The following MIGA2 variants were observed in gnomAD, a reference collection of about 807,000 sequenced individuals.
MIGA2 encodes the protein mitoguardin 2, also known as family with sequence similarity 73, member B.
Under a neutral mutation model 69.9 loss-of-function variants are expected in MIGA2, and 36 were observed. The observed-to-expected ratio is 0.52, with a 90% confidence interval of 0.39 to 0.68. The LOEUF (loss-of-function observed/expected upper bound fraction) is 0.68, where lower values mean the gene tolerates loss of function less well. Among genes scored for constraint, MIGA2 ranks in the 30% least tolerant of loss-of-function variants. MIGA2 has a pLI of 0.00. For missense variants in MIGA2, 660 were observed against 787.7 expected (o/e 0.84, Z 1.94); for synonymous variants, 333 against 349.2 (o/e 0.95, Z 0.52).
At position 129,063,251 on chromosome 9, in the gene MIGA2, C is replaced by T; in HGVS notation, c.1018C>T (p.Leu340=). The T allele has an allele frequency of 6.2e-7, 1 of 1,614,034 alleles. No homozygotes were observed. Among genetic ancestry groups the T allele is most frequent in the Non-Finnish European group, 8.5e-7 (1 of 1,179,982 alleles). ...CGTCTGTCCTCCCCTCAGGACGGAGCTGCTGGGCTGCTACAGTGACCAGGA... is the reference window on the plus strand; with the variant it reads ...CGTCTGTCCTCCCCTCAGGACGGAGTTGCTGGGCTGCTACAGTGACCAGGA... ...RVPCRTLRTE[L]LGCYSDQDFL... is the part of the protein sequence containing the mutation. Residue 340 remains leucine, a synonymous_variant, in exon 10 of 16, where the codon CTG becomes TTG. Transcript: ENST00000684074.
chr9:129,052,239 C>T (rs1845586504), intron 6 of MIGA2, among the ~76,000 whole-genome samples: 3 of 152,104 alleles, frequency 2.0e-5, no homozygotes, highest in Admixed American at 2.0e-4. Context: ...GATTCTGTCT[C>T]AGCCTCCTGA....
In MIGA2 at chr9:129,069,012, G is replaced by A; in HGVS notation, c.1405-64G>A. On this transcript the variant is annotated intron_variant, in intron 13 of 15. Transcript: ENST00000684074. This position sits in a 1 kb window ranked among gnomAD's most constrained non-coding sequence, Gnocchi z 4.9. The stretch of plus-strand genomic sequence containing the variant: ...TTAAGGGCTTGGTGCTGGGCTGGCA[G>A]AGGGCGAGGGGCTGTGGGCTAGGCC... 1.3e-6 allele frequency: 2 copies of A among 1,598,034 alleles called. No individual in the cohort carries two copies. Among genetic ancestry groups the A allele is most frequent in the South Asian group, 2.2e-5 (2 of 90,768 alleles).
chr9:129,062,107 A>G (rs1341093873), intron 9 of MIGA2, among the ~76,000 whole-genome samples: 2 of 149,334 alleles, frequency 1.3e-5, no homozygotes, highest in Non-Finnish European at 3.0e-5. Context: ...CTGGTCTCAA[A>G]CTCCTCACCT....
At chr9:129,051,843 A>G (rs906574931) in intron 6 of MIGA2, among the ~76,000 whole-genome samples, 1 of 149,888 alleles carries the variant, frequency 6.7e-6, no homozygotes, top group South Asian at 2.1e-4. Flanking sequence ...TTAATTAATT[A>G]GAGACGGAGT....
In MIGA2 at chr9:129,059,919, C is replaced by T. The variant is rs1845975789; in HGVS notation, c.794-631C>T. 6.6e-6 allele frequency among the ~76,000 whole-genome samples: 1 copy of T among 152,178 alleles called. No individual in the cohort carries two copies. The highest frequency in any genetic ancestry group is 1.5e-5 in the Non-Finnish European group (1 of 68,026). On this transcript the variant is annotated intron_variant, in intron 7 of 15. Coordinates refer to ENST00000684074, the MANE Select transcript of MIGA2 (RefSeq NM_001329990.2). This position sits in a 1 kb window ranked among gnomAD's most constrained non-coding sequence, Gnocchi z 5.6. ...CCACGCACCCTGCCCTGGCTTCTCC[C>T]CACGTGCTCTGGGTGTGGTTTCTCT...
At chr9:129,056,707 C>T (rs1257057549) in intron 6 of MIGA2, among the ~76,000 whole-genome samples, 1 of 151,922 alleles carries the variant, frequency 6.6e-6, no homozygotes, top group Non-Finnish European at 1.5e-5. Flanking sequence ...TTAGTAGAGA[C>T]GGGTTTTCAC....
chr9:129,049,843 G>A lies in MIGA2; in HGVS notation c.555G>A (p.Glu185=), dbSNP rs143593912. ...TGTGCTCAGGCATGGAGCTGTTTGAGGAAGCTCTGCAGAAGTGGGAGCAGG... is the reference window on the plus strand; with the variant it reads ...TGTGCTCAGGCATGGAGCTGTTTGAAGAAGCTCTGCAGAAGTGGGAGCAGG... ...SLYMQGMELF[E]EALQKWEQAL... The change falls in exon 6 of 16, where the codon GAG becomes GAA. Residue 185 remains glutamate (E), a synonymous_variant. Coordinates refer to ENST00000684074, the MANE Select transcript of MIGA2 (RefSeq NM_001329990.2). The A allele has an allele frequency of 9.9e-3, 15,907 of 1,614,126 alleles. 101 individuals are homozygous for A. The highest frequency in any genetic ancestry group is 0.012 in the Non-Finnish European group (13,644 of 1,180,034).
At position 129,042,468 on chromosome 9, in the gene MIGA2, G is replaced by A. The variant is rs1475928922; in HGVS notation, c.261G>A (p.Val87=). Residue 87 remains valine, a synonymous_variant, in exon 3 of 16, where the codon GTG becomes GTA. Coordinates refer to ENST00000684074, the MANE Select transcript of MIGA2 (RefSeq NM_001329990.2). ...TGGGAGGGGAGCAGCTGGGCACGGTGCCCCTCCCTATCCTCTTGGCCAGGA... is the reference window on the plus strand; with the variant it reads ...TGGGAGGGGAGCAGCTGGGCACGGTACCCCTCCCTATCCTCTTGGCCAGGA... The part of the protein sequence containing the change: ...PEMGGEQLGT[V]PLPILLARKV... The A allele has an allele frequency of 6.2e-7, 1 of 1,603,350 alleles. No individual in the cohort carries two copies. The highest frequency in any genetic ancestry group is 8.5e-7 in the Non-Finnish European group (1 of 1,175,664).
Position 129,060,681 on chromosome 9 carries a change from G to A in MIGA2, c.894+31G>A, listed in dbSNP as rs879067322. Reference sequence around the variant, plus strand: ...TCGGGGTGGGGACCAAGCCTGGGGTGGGGTGAAGGCTGGGCCTCCTCTGCA... The same window carrying A: ...TCGGGGTGGGGACCAAGCCTGGGGTAGGGTGAAGGCTGGGCCTCCTCTGCA... On this transcript the variant is annotated intron_variant, in intron 8 of 15. Coordinates refer to ENST00000684074, the MANE Select transcript of MIGA2 (RefSeq NM_001329990.2). The surrounding 1 kb of genome is among the most constrained non-coding windows in gnomAD (Gnocchi z 4.8). 3.1e-5 allele frequency: 48 copies of A among 1,540,208 alleles called. No homozygotes were observed. In the South Asian group the frequency reaches 3.7e-4, roughly 12 times the overall value.
rs554077329 is a variant in MIGA2, at chr9:129,041,748, G to A, written c.97-556G>A. Among the ~76,000 whole-genome samples the A allele has an allele frequency of 7.2e-5, 11 of 152,294 alleles. No homozygotes were observed. In the South Asian group the frequency reaches 8.3e-4, roughly 11 times the overall value. ...CTTGACCGAAGATCTGCCTTGTGGG[G>A]TACAGTCCCATCTGAGGGGCTCCCA... On this transcript the variant is annotated intron_variant, in intron 2 of 15. Coordinates refer to ENST00000684074, the MANE Select transcript of MIGA2 (RefSeq NM_001329990.2).
chr9:129,060,521 G>A lies in MIGA2; in HGVS notation c.794-29G>A, dbSNP rs766991199. The stretch of plus-strand genomic sequence containing the variant: ...GCTGAGCACTGTGTGGGGAGTCTCA[G>A]CCCCGCTTTCTCTCACTGCTCTTCC... On this transcript the variant is annotated intron_variant, in intron 7 of 15. Transcript: ENST00000684074. The surrounding 1 kb of genome is among the most constrained non-coding windows in gnomAD (Gnocchi z 4.8). 19 of 1,545,568 alleles carry A rather than the reference G, an allele frequency of 1.2e-5. 1 individual carries two copies. In the South Asian group the frequency reaches 2.0e-4, roughly 16 times the overall value.
chr9:129,067,482 C>A, intron 11 of MIGA2: 1 of 407,824 alleles, frequency 2.5e-6, no homozygotes, highest in Non-Finnish European at 4.5e-6. Flanking sequence ...CTGCCTGACT[C>A]TAACCCTCAC....
chr9:129,066,190 GA>G, intron 11 of MIGA2, among the ~76,000 whole-genome samples: 1 of 152,212 alleles, frequency 6.6e-6, no homozygotes, highest in Non-Finnish European at 1.5e-5. Flanking sequence ...CCAGGGTACT[GA>G]GCATGTGAAG....
chr9:129,068,083 C>T lies in MIGA2; in HGVS notation c.1270-115C>T. On this transcript the variant is annotated intron_variant, in intron 12 of 15. Coordinates refer to ENST00000684074, the MANE Select transcript of MIGA2 (RefSeq NM_001329990.2). The surrounding 1 kb of genome is among the most constrained non-coding windows in gnomAD (Gnocchi z 4.1). ...GCACAGCAGAGCGGGAAAGACGTGT[C>T]CCCCCCACGTGTGCTCATGCCCTGG... 1 of 1,426,504 alleles carries T rather than the reference C, an allele frequency of 7.0e-7. No individual in the cohort carries two copies. The highest frequency in any genetic ancestry group is 9.9e-7 in the Non-Finnish European group (1 of 1,014,270). 88.4% of individuals were successfully genotyped at this position (1,426,504 alleles called of 1,614,324 possible).
chr9:129,068,485 C>T lies in MIGA2; in HGVS notation c.1404+153C>T, dbSNP rs1204107396. On this transcript the variant is annotated intron_variant, in intron 13 of 15. Transcript: ENST00000684074. The surrounding 1 kb of genome is among the most constrained non-coding windows in gnomAD (Gnocchi z 4.1). ...CAGGCCTGGGAGACCAGAGTCTGCC[C>T]TGGAGAAGCCTCCAGGGTGCCCCGT... 9.6e-7 allele frequency: 1 copy of T among 1,045,766 alleles called. No individual in the cohort carries two copies. The highest frequency in any genetic ancestry group is 2.6e-5 in the Admixed American group (1 of 38,128). The allele number at this position is 1,045,766 out of a possible 1,614,324, so 64.8% of individuals were successfully genotyped here. A position where few individuals can be genotyped will look rare whatever the true frequency, so the allele number is the denominator to read the frequency against.
intron 1 of MIGA2, among the ~76,000 whole-genome samples, chr9:129,037,320 G>C (rs1564595844): frequency 6.6e-6 from 1 of 152,130 alleles, no homozygotes; most frequent in African/African-American, 2.4e-5. Flanking sequence ...ATATGCTTAG[G>C]CACCCAGGCT....
intron 6 of MIGA2, among the ~76,000 whole-genome samples, chr9:129,053,366 A>T: frequency 6.9e-6 from 1 of 145,686 alleles, no homozygotes; most frequent in East Asian, 2.0e-4. Flanking sequence ...TATTGCTATA[A>T]TTTTTTTTTT....
chr9:129,063,461 C>T (rs955986986), intron 10 of MIGA2, 84 bp from the exon 11 acceptor site: 103 of 1,565,758 alleles, frequency 6.6e-5, no homozygotes, highest in Non-Finnish European at 8.8e-5. Flanking sequence ...GGCCACCTAC[C>T]TGGCCTCTTA....
Position 129,068,082 on chromosome 9 carries a change from TC to T in MIGA2, c.1270-109del, listed in dbSNP as rs756475673. The T allele has an allele frequency of 2.3e-5, 33 of 1,439,604 alleles. No individual in the cohort carries two copies. The highest frequency in any genetic ancestry group is 8.4e-5 in the African/African-American group (6 of 71,322). The allele number at this position is 1,439,604 out of a possible 1,614,324, so 89.2% of individuals were successfully genotyped here. On this transcript the variant is annotated intron_variant, in intron 12 of 15. Coordinates refer to ENST00000684074, the MANE Select transcript of MIGA2 (RefSeq NM_001329990.2). This position sits in a 1 kb window ranked among gnomAD's most constrained non-coding sequence, Gnocchi z 4.1. ...TGCACAGCAGAGCGGGAAAGACGTGTCCCCCCCACGTGTGCTCATGCCCTGG... is the reference window on the plus strand; with the variant it reads ...TGCACAGCAGAGCGGGAAAGACGTGTCCCCCCACGTGTGCTCATGCCCTGG...
Sources: allele counts gnomAD v4.1 joint callset (sites outside exome capture counted in the v4.1 genomes callset), GRCh38; gene constraint gnomAD v4.1.1; non-coding constraint Gnocchi (gnomAD v3.1); transcripts MANE v1.5; gene names NCBI Gene and HGNC (gene_info 2026-07-23, HGNC 2026-07-21).